Variants in CPM observed in about 807,000 individuals in gnomAD.
CPM encodes renal carboxypeptidase.
CPM carries 35 observed loss-of-function variants against 46.4 expected under a neutral mutation model. That is an observed-to-expected ratio of 0.75 (90% CI 0.58 to 1.00). The LOEUF (loss-of-function observed/expected upper bound fraction) is 1.00. Ranked by LOEUF, CPM falls within the 50% of genes least tolerant of loss-of-function variation. The pLI is 0.00. For missense variants in CPM, 422 were observed against 530.4 expected (o/e 0.80, Z 2.01); for synonymous variants, 195 against 195.3 (o/e 1.00, Z 0.01).
rs1224118143 is a variant in CPM at position 68,859,008 on chromosome 12, T to A, written c.1004A>T (p.Gln335Leu). 4 of 1,576,432 alleles carry A rather than the reference T, an allele frequency of 2.5e-6. No individual in the cohort carries two copies. In the Admixed American group the frequency reaches 7.1e-5, roughly 28 times the overall value. The change falls in exon 8 of 9, where the codon CAA becomes CTA. Residue 335 changes from glutamine (Q) to leucine (L), a missense_variant. By Grantham distance (113) the Gln-to-Leu change is moderately radical. Coordinates refer to ENST00000551568, the MANE Select transcript of CPM (RefSeq NM_198320.5). The stretch of plus-strand genomic sequence containing the variant: ...ATAGGGGCAGATATGTTTTCTGTCT[T>A]GGACTTCCACAATTACATTGGGTAA... ...NPLPNVIVEV[Q>L]DRKHICPYRT...
chr12:68,947,769 G>A (rs573867825), intron 1 of CPM, among the ~76,000 whole-genome samples: 10 of 151,950 alleles, frequency 6.6e-5, no homozygotes, highest in Admixed American at 3.3e-4. Flanking sequence ...CTCAGCCCCC[G>A]AAGTAGCTGG....
At chr12:68,888,013 A>G (rs1886509147) in intron 2 of CPM, among the ~76,000 whole-genome samples, 1 of 152,196 alleles carries the variant, frequency 6.6e-6, no homozygotes, top group African/African-American at 2.4e-5. Flanking sequence ...CTTTACTTCT[A>G]CAAAGTTACC....
At chr12:68,917,057 A>C (rs1887839169) in intron 2 of CPM, among the ~76,000 whole-genome samples, 1 of 152,176 alleles carries the variant, frequency 6.6e-6, no homozygotes. Flanking sequence ...AACGTGTTTA[A>C]CAGCCTGTAT....
At chr12:68,860,851 T>C (rs1479809376) in intron 7 of CPM, among the ~76,000 whole-genome samples, 1 of 151,970 alleles carries the variant, frequency 6.6e-6, no homozygotes, top group Non-Finnish European at 1.5e-5. Context: ...AACAGGAGGA[T>C]CAACAAACAT....
intron 1 of CPM, among the ~76,000 whole-genome samples, chr12:68,943,654 T>C (rs777661817): frequency 3.9e-5 from 6 of 152,218 alleles, no homozygotes; most frequent in African/African-American, 1.4e-4. Context: ...GTTTATATTA[T>C]AGATTTGCAA....
rs185140075 is a variant in CPM at position 68,842,268 on chromosome 12, C to G, written c.596G>C (p.Ter199SerextTer8). 7.8e-4 allele frequency: 390 copies of G among 497,046 alleles called. 7 individuals carry two copies. The Admixed American group carries it at 8.7e-3, about 11-fold the overall frequency. The allele number at this position is 497,046 out of a possible 1,614,324, so 30.8% of individuals were successfully genotyped here. ...TCAAGAAAAAGGACTACGGAAAGTT[C>G]AGGACATCAAAGAAGTCAGGCAAAA... The change falls in exon 6 of 6, where the codon TGA becomes TCA. Residue 199 changes from the stop codon to serine, a stop_lost. Coordinates refer to the CPM transcript ENST00000551897.
intron 2 of CPM, among the ~76,000 whole-genome samples, chr12:68,902,347 CCA>C (rs2078869579): frequency 6.6e-6 from 1 of 152,150 alleles, no homozygotes; most frequent in Non-Finnish European, 1.5e-5. Context: ...CCCAAGTATT[CCA>C]CACACTGAAA....
At chr12:68,934,557 C>A (rs1346756269), upstream of CPM, among the ~76,000 whole-genome samples, 2 of 152,072 alleles carry the variant, frequency 1.3e-5, no homozygotes, top group African/African-American at 4.8e-5. Flanking sequence ...TCATCCATGT[C>A]CGTACAAAGG....
At chr12:68,935,724 C>G (rs1217648206), upstream of CPM, among the ~76,000 whole-genome samples, 1 of 151,242 alleles carries the variant, frequency 6.6e-6, no homozygotes, top group Non-Finnish European at 1.5e-5. Flanking sequence ...CATTGTTGTT[C>G]ATTGACTAAG....
chr12:68,879,155 T>C (rs1399857664), intron 3 of CPM, among the ~76,000 whole-genome samples: 2 of 152,176 alleles, frequency 1.3e-5, no homozygotes, highest in Non-Finnish European at 2.9e-5. Flanking sequence ...ACCAATGCAT[T>C]CTAGCCTGCG....
chr12:68,939,523 T>C (rs909557483), intron 1 of CPM, among the ~76,000 whole-genome samples: 5 of 151,964 alleles, frequency 3.3e-5, no homozygotes, highest in Non-Finnish European at 7.4e-5. Flanking sequence ...AAAATTATTT[T>C]CATCTGTGCA....
At chr12:68,953,201 C>T (rs534838481) in intron 1 of CPM, among the ~76,000 whole-genome samples, 7 of 152,154 alleles carry the variant, frequency 4.6e-5, no homozygotes, top group African/African-American at 1.4e-4. Flanking sequence ...GTACACTTCA[C>T]GTGCCCCGGT....
chr12:68,945,618 G>A (rs1280356112), intron 1 of CPM, among the ~76,000 whole-genome samples: 5 of 152,142 alleles, frequency 3.3e-5, no homozygotes, highest in Admixed American at 6.5e-5. Flanking sequence ...TAACAAAAAC[G>A]TTAGTATTCT....
At chr12:68,860,198 C>A (rs1163772484) in intron 7 of CPM, among the ~76,000 whole-genome samples, 1 of 152,196 alleles carries the variant, frequency 6.6e-6, no homozygotes, top group East Asian at 1.9e-4. Flanking sequence ...CCTGACTCTT[C>A]ATTTTTTGTC....
intron 3 of CPM, among the ~76,000 whole-genome samples, chr12:68,874,365 C>T (rs1592648690): frequency 6.6e-6 from 1 of 152,004 alleles, no homozygotes; most frequent in East Asian, 1.9e-4. Flanking sequence ...CCTGTAATCC[C>T]AGCACTTTGG....
At chr12:68,904,578 C>T (rs1178640193) in intron 2 of CPM, among the ~76,000 whole-genome samples, 1 of 152,202 alleles carries the variant, frequency 6.6e-6, no homozygotes, top group African/African-American at 2.4e-5. Flanking sequence ...ATCAGCAATG[C>T]TGAGCAACAG....
At chr12:68,917,525 C>A (rs1429364785) in intron 2 of CPM, among the ~76,000 whole-genome samples, 4 of 152,186 alleles carry the variant, frequency 2.6e-5, no homozygotes, top group Non-Finnish European at 5.9e-5. Flanking sequence ...TTAACCATGA[C>A]CTCTAGAGGA....
In CPM at chr12:68,906,348, A is replaced by G. The variant is rs934830842; in HGVS notation, c.161-20459T>C. ...AGTCTGCATTTTTCACAAATACCTC[A>G]GCTGACTCTAATTCACGCCATTAAG... On this transcript the variant is annotated intron_variant, in intron 2 of 8. Transcript: ENST00000551568. 2.6e-5 allele frequency among the ~76,000 whole-genome samples: 4 copies of G among 152,208 alleles called. No homozygotes were observed. In the South Asian group the frequency reaches 6.2e-4, roughly 24 times the overall value.
At chr12:68,913,882 C>G (rs1364171255) in intron 2 of CPM, 1 of 686,360 alleles carries the variant, frequency 1.5e-6, no homozygotes, top group East Asian at 2.7e-5. Flanking sequence ...GAGCCAGTTC[C>G]TTGACCTCAG....
Sources: allele counts gnomAD v4.1 joint callset (sites outside exome capture counted in the v4.1 genomes callset), GRCh38; gene constraint gnomAD v4.1.1; transcripts MANE v1.5; gene names NCBI Gene and HGNC (gene_info 2026-07-23, HGNC 2026-07-21).